The following BLOC1S3 variants were observed in gnomAD, a reference collection of about 807,000 sequenced individuals.
BLOC1S3 encodes biogenesis of lysosomal organelles complex 1 subunit 3, also known as biogenesis of lysosome-related organelles complex 1 subunit 3.
A neutral mutation model predicts 9.1 loss-of-function variants in BLOC1S3; 7 were observed. That is an observed-to-expected ratio of 0.77 (90% CI 0.44 to 1.45). BLOC1S3 has a LOEUF of 1.45. BLOC1S3 is among the 40% of genes most tolerant of loss of function. The probability of loss-of-function intolerance (pLI) is 0.01; values close to 1 mark genes in which losing one functional copy is unlikely to be tolerated. For synonymous variants in BLOC1S3, 145 were observed against 158.4 expected (o/e 0.92, Z 0.64); for missense variants, 307 against 315.2 (o/e 0.97, Z 0.20).
intron 2 of BLOC1S3, among the ~76,000 whole-genome samples, chr19:45,193,741 G>A (rs1969624397): frequency 6.9e-6 from 1 of 145,478 alleles, no homozygotes; most frequent in Non-Finnish European, 1.5e-5. Flanking sequence ...TGCAAAATGT[G>A]TATTCCTTTT....
Position 45,207,105 on chromosome 19 carries a change from G to A in BLOC1S3, n.282+4598G>A, listed in dbSNP as rs530607751. Among the ~76,000 whole-genome samples, 9 of 151,818 alleles carry A rather than the reference G, an allele frequency of 5.9e-5. No individual in the cohort carries two copies. The South Asian group carries it at 1.9e-3, about 32-fold the overall frequency. Reference sequence around the variant, plus strand: ...ACCCTCCTCAGCCTTCCAAAGTGCTGGGATGACAGGTGTAAGCCACCGCGC... The same window carrying A: ...ACCCTCCTCAGCCTTCCAAAGTGCTAGGATGACAGGTGTAAGCCACCGCGC... On this transcript the variant is annotated intron_variant and non_coding_transcript_variant, in intron 3 of 3. Transcript: ENST00000591569.
downstream of BLOC1S3, among the ~76,000 whole-genome samples, chr19:45,183,570 C>T (rs894961534): frequency 6.6e-6 from 1 of 150,996 alleles, no homozygotes; most frequent in Non-Finnish European, 1.5e-5. Context: ...GAGTGGATCA[C>T]AATTCAAAGA....
At chr19:45,206,615 C>T (rs1338522385) in intron 3 of BLOC1S3, among the ~76,000 whole-genome samples, 1 of 133,624 alleles carries the variant, frequency 7.5e-6, no homozygotes, top group Non-Finnish European at 1.5e-5. Context: ...GCCCCCACAC[C>T]TAGTTAAATT....
Position 45,179,450 on chromosome 19 carries a change from A to G in BLOC1S3, c.154A>G (p.Thr52Ala). The G allele has an allele frequency of 2.6e-6, 4 of 1,527,028 alleles. No homozygotes were observed. The highest frequency in any genetic ancestry group is 3.5e-6 in the Non-Finnish European group (4 of 1,143,110). 94.6% of individuals were successfully genotyped at this position (1,527,028 alleles called of 1,614,324 possible). A position where few individuals can be genotyped will look rare whatever the true frequency, so the allele number is the denominator to read the frequency against. The change falls in exon 2 of 2, where the codon ACG (threonine) becomes GCG (alanine). Residue 52 changes from threonine to alanine, a missense_variant. Coordinates refer to ENST00000433642, the MANE Select transcript of BLOC1S3 (RefSeq NM_212550.5). The surrounding 1 kb of genome is among the most constrained non-coding windows in gnomAD (Gnocchi z 4.6). ...GPSGPTRGRP[T>A]GLRVAGEAAE... ...TTCGGGCCCGACGCGCGGCCGCCCC[A>G]CGGGGCTGCGGGTGGCTGGGGAAGC...
chr19:45,195,422 G>C (rs1178003479), intron 2 of BLOC1S3, among the ~76,000 whole-genome samples: 5 of 151,980 alleles, frequency 3.3e-5, no homozygotes, highest in Non-Finnish European at 7.4e-5. Flanking sequence ...GCCCAGGCTG[G>C]TCTTGAACTC....
rs771544428 is a variant in BLOC1S3 at position 45,216,092 on chromosome 19, G to A, written n.283-584G>A. On this transcript the variant is annotated intron_variant and non_coding_transcript_variant, in intron 3 of 3. Coordinates refer to the BLOC1S3 transcript ENST00000591569. ...TCTCACCTGATGTCTGGGTAGTCGC[G>A]CACCAACACTCCCACCTCCACCTGG... 6.2e-6 allele frequency: 10 copies of A among 1,613,668 alleles called. No homozygotes were observed. The highest frequency in any genetic ancestry group is 4.0e-5 in the African/African-American group (3 of 74,826).
rs552314144 is a variant in BLOC1S3 at position 45,203,189 on chromosome 19, A to G, written n.282+682A>G. 9.8e-4 allele frequency among the ~76,000 whole-genome samples: 149 copies of G among 152,144 alleles called. 2 individuals carry two copies. Among genetic ancestry groups the G allele is most frequent in the Non-Finnish European group, 1.7e-3 (118 of 68,018 alleles). ...AGTGGGCCTCATGCCCTCCAGGTCC[A>G]CTTGTTCTGAGCCCAGCAAGGCACC... is the stretch of plus-strand genomic sequence containing the variant. On this transcript the variant is annotated intron_variant and non_coding_transcript_variant, in intron 3 of 3. Coordinates refer to the BLOC1S3 transcript ENST00000591569.
intron 2 of BLOC1S3, among the ~76,000 whole-genome samples, chr19:45,188,936 G>A (rs1330978032): frequency 2.6e-5 from 4 of 151,746 alleles, no homozygotes; most frequent in African/African-American, 4.8e-5. Context: ...GTGCAGTGGC[G>A]TGATCTCTGC....
Position 45,179,128 on chromosome 19 carries a change from C to T in BLOC1S3, c.-9-160C>T. On this transcript the variant is annotated intron_variant, in intron 1 of 1. Transcript: ENST00000433642. This position sits in a 1 kb window ranked among gnomAD's most constrained non-coding sequence, Gnocchi z 4.6. ...GAGCCTGGGGTCCAGTAACCCCCAT[C>T]ATCACCCAGTTTACAGAAGAGGAAA... The T allele has an allele frequency of 5.4e-6, 4 of 743,446 alleles. No homozygotes were observed. The highest frequency in any genetic ancestry group is 7.9e-6 in the Non-Finnish European group (4 of 504,968). 46.1% of individuals were successfully genotyped at this position (743,446 alleles called of 1,614,324 possible). A position where few individuals can be genotyped will look rare whatever the true frequency, so the allele number is the denominator to read the frequency against.
Position 45,179,982 on chromosome 19 carries a change from T to A in BLOC1S3, c.*77T>A. The A allele has an allele frequency of 2.0e-6, 3 of 1,531,190 alleles. No homozygotes were observed. The Admixed American group carries it at 5.5e-5, about 28-fold the overall frequency. 94.9% of individuals were successfully genotyped at this position (1,531,190 alleles called of 1,614,324 possible). The stretch of plus-strand genomic sequence containing the variant: ...CTCTGGGACCTGACTCTGTCTCCTG[T>A]GTCTCTTATCACCCCCCACCCCCGC... On this transcript the variant is annotated 3_prime_UTR_variant, in exon 2 of 2. Transcript: ENST00000433642. The surrounding 1 kb of genome is among the most constrained non-coding windows in gnomAD (Gnocchi z 4.6).
At position 45,179,192 on chromosome 19, in the gene BLOC1S3, AAG is replaced by A. The variant is rs1969466084; in HGVS notation, c.-9-92_-9-91del. On this transcript the variant is annotated intron_variant, in intron 1 of 1. Transcript: ENST00000433642. This position sits in a 1 kb window ranked among gnomAD's most constrained non-coding sequence, Gnocchi z 4.6. ...GGGGAGCAGCTGACACCAAGTCGTT[AAG>A]AGAATCAGCGAAGGGGCTGGGAATC... 2 of 1,338,108 alleles carry A rather than the reference AAG, an allele frequency of 1.5e-6. No individual in the cohort carries two copies. The highest frequency in any genetic ancestry group is 1.9e-6 in the Non-Finnish European group (2 of 1,030,900). 82.9% of individuals were successfully genotyped at this position (1,338,108 alleles called of 1,614,324 possible).
At chr19:45,199,761 C>CTCTCT (rs933977403) in intron 2 of BLOC1S3, among the ~76,000 whole-genome samples, 2 of 151,270 alleles carry the variant, frequency 1.3e-5, no homozygotes, top group Non-Finnish European at 2.9e-5. Context: ...CTCTCCTCTC[C>CTCTCT]TCTCTTCTCT....
intron 1 of BLOC1S3, chr19:45,187,517 AC>A (rs1969574199): frequency 6.6e-6 from 1 of 152,082 alleles, no homozygotes; most frequent in South Asian, 2.1e-4. Flanking sequence ...CTTTGTGATC[AC>A]CCTTCACCTG....
chr19:45,206,406 T>A (rs1969725737), intron 3 of BLOC1S3, among the ~76,000 whole-genome samples: 1 of 147,864 alleles, frequency 6.8e-6, no homozygotes, highest in African/African-American at 2.5e-5. Flanking sequence ...TCCTGATTCA[T>A]CTGGTCATTG....
chr19:45,213,509 C>T, intron 3 of BLOC1S3: 2 of 834,806 alleles, frequency 2.4e-6, no homozygotes, highest in Non-Finnish European at 3.6e-6. Context: ...TCCCTCCAAT[C>T]AGCTCCCTTG....
At chr19:45,200,673 T>C (rs558345447) in intron 2 of BLOC1S3, among the ~76,000 whole-genome samples, 1 of 152,324 alleles carries the variant, frequency 6.6e-6, no homozygotes, top group South Asian at 2.1e-4. Flanking sequence ...TTTAGTTCAC[T>C]TGGTGAGGTC....
chr19:45,210,008 C>T (rs1488892624), intron 3 of BLOC1S3, among the ~76,000 whole-genome samples: 1 of 152,138 alleles, frequency 6.6e-6, no homozygotes, highest in African/African-American at 2.4e-5. Flanking sequence ...GCTGGGATTA[C>T]AGGCGTGAGC....
At chr19:45,212,701 C>A (rs1251635753) in intron 3 of BLOC1S3, 2 of 176,010 alleles carry the variant, frequency 1.1e-5, no homozygotes, top group Non-Finnish European at 2.3e-5. Flanking sequence ...CTCCAGTGAT[C>A]CTCCAGCCTC....
chr19:45,193,215 C>T (rs1046818509), intron 2 of BLOC1S3, among the ~76,000 whole-genome samples: 2 of 148,406 alleles, frequency 1.3e-5, no homozygotes, highest in Non-Finnish European at 3.0e-5. Context: ...GAAGTTAAAA[C>T]CAGGTACTGT....
Sources: gnomAD v4.1 joint callset for allele counts (sites outside exome capture counted in the v4.1 genomes callset) on GRCh38, gnomAD v4.1.1 for gene constraint, Gnocchi (gnomAD v3.1) non-coding constraint, MANE v1.5 for transcripts, NCBI Gene and HGNC (gene_info 2026-07-23, HGNC 2026-07-21) for gene names.